Variants in GLRA3 observed in about 807,000 individuals in gnomAD.
GLRA3 encodes the protein glycine receptor alpha 3, also known as glycine receptor subunit alpha-3.
In GLRA3, 44 loss-of-function variants were observed where a neutral mutation model predicts 60.4. That is an observed-to-expected ratio of 0.73 (90% CI 0.57 to 0.94). The LOEUF (loss-of-function observed/expected upper bound fraction) is 0.94, where lower values mean the gene tolerates loss of function less well. GLRA3 is among the 40% of genes least tolerant of loss of function. The pLI, the probability that GLRA3 is intolerant of heterozygous loss-of-function variation, is 0.00. For missense variants in GLRA3, 508 were observed against 564.6 expected (o/e 0.90, Z 1.02); for synonymous variants, 223 against 192.9 (o/e 1.16, Z -1.29).
intron 9 of GLRA3, among the ~76,000 whole-genome samples, chr4:174,646,356 G>A (rs551598426): frequency 3.9e-5 from 6 of 152,274 alleles, no homozygotes; most frequent in Admixed American, 1.3e-4. Context: ...TTTCCATATA[G>A]CTGAGGGTGA....
chr4:174,725,684 G>A (rs769390389), intron 4 of GLRA3, among the ~76,000 whole-genome samples: 5 of 152,012 alleles, frequency 3.3e-5, no homozygotes, highest in Non-Finnish European at 5.9e-5. Context: ...GTTTTATCAC[G>A]TTGCCTGGGC....
chr4:174,699,583 C>G (rs1466338965), intron 5 of GLRA3, among the ~76,000 whole-genome samples: 1 of 152,046 alleles, frequency 6.6e-6, no homozygotes, highest in Non-Finnish European at 1.5e-5. Context: ...ATGAGGACTA[C>G]TGTAATAATA....
intron 9 of GLRA3, 58 bp from the exon 10 acceptor site, chr4:174,644,122 G>T (rs1362175090): frequency 5.2e-6 from 5 of 961,812 alleles, no homozygotes; most frequent in South Asian, 1.6e-5. Flanking sequence ...TGTATAACAG[G>T]CATCTCAGAA....
chr4:174,811,682 A>T (rs1740282527), intron 1 of GLRA3, among the ~76,000 whole-genome samples: 1 of 152,188 alleles, frequency 6.6e-6, no homozygotes, highest in South Asian at 2.1e-4. Context: ...ATGTCATATG[A>T]CACATATGGT....
Position 174,691,737 on chromosome 4 carries a change from C to T in GLRA3, c.575-8798G>A, listed in dbSNP as rs564042085. ...GGAGTGCAGTGGCGTGATCTCGGCTCGCTACAACCTCCACCTCCCAGCTGC... is the reference window on the plus strand; with the variant it reads ...GGAGTGCAGTGGCGTGATCTCGGCTTGCTACAACCTCCACCTCCCAGCTGC... On this transcript the variant is annotated intron_variant, in intron 5 of 9. Transcript: ENST00000274093. Among the ~76,000 whole-genome samples the T allele has an allele frequency of 2.6e-3, 401 of 152,200 alleles. 3 individuals are homozygous for T. Among genetic ancestry groups the T allele is most frequent in the Non-Finnish European group, 4.7e-3 (321 of 67,982 alleles).
At chr4:174,815,092 A>G (rs773746979) in intron 1 of GLRA3, among the ~76,000 whole-genome samples, 3 of 152,176 alleles carry the variant, frequency 2.0e-5, no homozygotes, top group Non-Finnish European at 2.9e-5. Flanking sequence ...AGCCATTCCA[A>G]ATGGAAGAAA....
At chr4:174,802,095 C>A (rs1185640961) in intron 1 of GLRA3, among the ~76,000 whole-genome samples, 2 of 151,690 alleles carry the variant, frequency 1.3e-5, no homozygotes, top group Non-Finnish European at 2.9e-5. Context: ...GAATTTGATC[C>A]TCCAAACCAA....
In GLRA3 at chr4:174,823,801, T is replaced by C. The variant is rs765559527; in HGVS notation, c.71+4940A>G. The stretch of plus-strand genomic sequence containing the variant: ...GAGAAATGCTAATGTTAAGGTCCTC[T>C]TGATAAGTGATAGAAAGATATTAAT... On this transcript the variant is annotated intron_variant, in intron 1 of 9. Coordinates refer to ENST00000274093, the MANE Select transcript of GLRA3 (RefSeq NM_006529.4). 9.1e-4 allele frequency among the ~76,000 whole-genome samples: 139 copies of C among 152,312 alleles called. 1 individual carries two copies. In the Middle Eastern group the frequency reaches 0.014, roughly 15 times the overall value.
chr4:174,826,664 T>C (rs1209274106), intron 1 of GLRA3, among the ~76,000 whole-genome samples: 2 of 152,186 alleles, frequency 1.3e-5, no homozygotes, highest in East Asian at 3.8e-4. Flanking sequence ...ATATCTGTGG[T>C]TTCTGGTTGT....
At chr4:174,648,063 G>A (rs1001459587) in intron 9 of GLRA3, among the ~76,000 whole-genome samples, 13 of 152,202 alleles carry the variant, frequency 8.5e-5, no homozygotes, top group Non-Finnish European at 1.0e-4. Flanking sequence ...AATGTTTGGT[G>A]TGAATGCTAA....
intron 7 of GLRA3, among the ~76,000 whole-genome samples, chr4:174,662,479 C>A (rs369861462): frequency 5.9e-5 from 9 of 152,284 alleles, no homozygotes; most frequent in African/African-American, 1.9e-4. Flanking sequence ...AGGATCAACA[C>A]CCTACATTTT....
chr4:174,695,572 A>G (rs1245954396), intron 5 of GLRA3, among the ~76,000 whole-genome samples: 1 of 152,158 alleles, frequency 6.6e-6, no homozygotes, highest in Non-Finnish European at 1.5e-5. Flanking sequence ...TAAACTAGGT[A>G]TTGAAGGAAA....
chr4:174,724,895 T>G (rs1444215818), intron 4 of GLRA3, among the ~76,000 whole-genome samples: 1 of 152,212 alleles, frequency 6.6e-6, no homozygotes, highest in Non-Finnish European at 1.5e-5. Flanking sequence ...ATTCTCATTG[T>G]TTTTCCTGCA....
intron 1 of GLRA3, among the ~76,000 whole-genome samples, chr4:174,827,528 C>T (rs563730056): frequency 1.3e-5 from 2 of 151,740 alleles, no homozygotes; most frequent in East Asian, 1.9e-4. Context: ...ATATACTTGG[C>T]TTTAATTATT....
intron 4 of GLRA3, among the ~76,000 whole-genome samples, chr4:174,722,262 C>G (rs1736160302): frequency 6.6e-6 from 1 of 152,098 alleles, no homozygotes; most frequent in Non-Finnish European, 1.5e-5. Context: ...CCAGCATTTT[C>G]TGTCCTCTTG....
chr4:174,712,772 CT>C (rs1307744505), intron 5 of GLRA3: 3 of 151,904 alleles, frequency 2.0e-5, no homozygotes, highest in Admixed American at 2.0e-4. Flanking sequence ...GATTTACAAT[CT>C]TTTATCTTGT....
At chr4:174,739,621 G>T (rs1056577243) in intron 3 of GLRA3, among the ~76,000 whole-genome samples, 1 of 152,188 alleles carries the variant, frequency 6.6e-6, no homozygotes, top group Admixed American at 6.5e-5. Context: ...CCACAAAAAT[G>T]TTAAGAGAAT....
intron 5 of GLRA3, among the ~76,000 whole-genome samples, chr4:174,706,203 C>A (rs1225937874): frequency 6.6e-6 from 1 of 151,486 alleles, no homozygotes; most frequent in Non-Finnish European, 1.5e-5. Context: ...GCACTCCAGC[C>A]TGGGCGAAAG....
chr4:174,812,378 A>G (rs1003956534), intron 1 of GLRA3, among the ~76,000 whole-genome samples: 2 of 152,130 alleles, frequency 1.3e-5, no homozygotes, highest in African/African-American at 4.8e-5. Context: ...CATTCAGATT[A>G]TGGTAGATAT....
Sources: gnomAD v4.1 joint callset for allele counts (sites outside exome capture counted in the v4.1 genomes callset) on GRCh38, gnomAD v4.1.1 for gene constraint, MANE v1.5 for transcripts, NCBI Gene and HGNC (gene_info 2026-07-23, HGNC 2026-07-21) for gene names.